Variants in PIK3C2A observed in about 807,000 individuals in gnomAD.
The protein encoded by PIK3C2A is phosphatidylinositol 4-phosphate 3-kinase C2 domain-containing subunit alpha.
PIK3C2A carries 97 observed loss-of-function variants against 204.5 expected under a neutral mutation model. The observed-to-expected ratio is 0.47, with a 90% confidence interval of 0.40 to 0.56. PIK3C2A has a LOEUF of 0.56. Ranked by LOEUF, PIK3C2A falls within the 20% of genes least tolerant of loss-of-function variation. PIK3C2A has a pLI of 0.00. For synonymous variants in PIK3C2A, 653 were observed against 664.4 expected (o/e 0.98, Z 0.26); for missense variants, 1,735 against 1,969.2 (o/e 0.88, Z 2.25).
At chr11:17,199,562 C>T (rs760108692) in intron 1 of PIK3C2A, among the ~76,000 whole-genome samples, 1 of 152,184 alleles carries the variant, frequency 6.6e-6, no homozygotes, top group Non-Finnish European at 1.5e-5. Flanking sequence ...GAAAACATTA[C>T]GCTAAGTGAC....
chr11:17,121,165 T>G (rs1849355573), intron 15 of PIK3C2A, among the ~76,000 whole-genome samples: 1 of 152,298 alleles, frequency 6.6e-6, no homozygotes, highest in Non-Finnish European at 1.5e-5. Context: ...TTGCCCAGGC[T>G]GCAGTGCAGT....
At position 17,148,207 on chromosome 11, in the gene PIK3C2A, C is replaced by CA. The variant is rs5789974; in HGVS notation, c.1448+459dup. The CA allele has an allele frequency of 4.4e-3, 439 of 99,718 alleles. 3 individuals are homozygous for CA. Among genetic ancestry groups the CA allele is most frequent in the East Asian group, 0.016 (55 of 3,482 alleles). 6.2% of individuals were successfully genotyped at this position (99,718 alleles called of 1,614,324 possible). On this transcript the variant is annotated intron_variant, in intron 5 of 32. Transcript: ENST00000691414. ...CTGGGTAACGAGTGAAACTCCGTCT[C>CA]AAAAAAAAAAAAAAAAAGATATAAT...
Position 17,169,364 on chromosome 11 carries a change from G to C in PIK3C2A, c.378C>G (p.Ser126=). Residue 126 remains serine, a synonymous_variant, in exon 2 of 33, where the codon TCC becomes TCG. Transcript: ENST00000691414. Reference sequence around the variant, plus strand: ...GTCTAAAATAGAGCTGTGCTGAAAAGGAAGGGCTCAGAATAGGAGTAACTG... The same window carrying C: ...GTCTAAAATAGAGCTGTGCTGAAAACGAAGGGCTCAGAATAGGAGTAACTG... The part of the protein sequence containing the change: ...VLPVTPILSP[S]FSAQLYFRPT... 1 of 1,613,970 alleles carries C rather than the reference G, an allele frequency of 6.2e-7. No homozygotes were observed. Among genetic ancestry groups the C allele is most frequent in the Non-Finnish European group, 8.5e-7 (1 of 1,179,958 alleles).
chr11:17,139,404 T>TTAC (rs1366278925), intron 8 of PIK3C2A, among the ~76,000 whole-genome samples: 1 of 151,594 alleles, frequency 6.6e-6, no homozygotes, highest in East Asian at 1.9e-4. Flanking sequence ...ATTTTTGTAA[T>TTAC]TTTAGTAGAG....
In PIK3C2A at chr11:17,103,120, G is replaced by A. The variant is rs958206918; in HGVS notation, c.3682-289C>T. 3.3e-5 allele frequency among the ~76,000 whole-genome samples: 5 copies of A among 151,610 alleles called. No individual in the cohort carries two copies. In the East Asian group the frequency reaches 8.1e-4, roughly 25 times the overall value. On this transcript the variant is annotated intron_variant, in intron 23 of 32. Coordinates refer to ENST00000691414, the MANE Select transcript of PIK3C2A (RefSeq NM_002645.4). ...TGCTGCCTTCAAACATCTTTTAAGC[G>A]TCATGTTTGTGGAATCCTGCACCTC...
At chr11:17,179,389 TG>T (rs1401674132) in intron 1 of PIK3C2A, among the ~76,000 whole-genome samples, 1 of 152,118 alleles carries the variant, frequency 6.6e-6, no homozygotes, top group Non-Finnish European at 1.5e-5. Context: ...CTCAAACTCC[TG>T]GCTCAAAGCA....
chr11:17,130,064 A>T (rs1163529369), intron 12 of PIK3C2A, among the ~76,000 whole-genome samples: 1 of 152,210 alleles, frequency 6.6e-6, no homozygotes, highest in African/African-American at 2.4e-5. Context: ...GCAAAATAAT[A>T]TTAGTCATTT....
At chr11:17,177,470 T>C (rs1024102319) in intron 1 of PIK3C2A, among the ~76,000 whole-genome samples, 4 of 152,150 alleles carry the variant, frequency 2.6e-5, no homozygotes, top group African/African-American at 9.7e-5. Flanking sequence ...AAATGACTCA[T>C]TAATAATTCA....
intron 28 of PIK3C2A, among the ~76,000 whole-genome samples, chr11:17,093,597 T>C (rs1447486264): frequency 6.7e-6 from 1 of 149,428 alleles, no homozygotes; most frequent in East Asian, 2.0e-4. Flanking sequence ...GAGCTCAGTA[T>C]GGCCCATGAT....
chr11:17,181,653 T>TACACAC (rs1851567201), intron 1 of PIK3C2A, among the ~76,000 whole-genome samples: 1 of 103,106 alleles, frequency 9.7e-6, no homozygotes, highest in African/African-American at 5.2e-5. Context: ...TATATATATA[T>TACACAC]ATATATACAC....
rs1848209799 is a variant in PIK3C2A at position 17,088,486 on chromosome 11, C to T, written c.*1252G>A. Reference sequence around the variant, plus strand: ...CAAACTCCTGACCTCAGGTGATCCGCCCACCTTGGCCTCCCAAAGTGTTGG... The same window carrying T: ...CAAACTCCTGACCTCAGGTGATCCGTCCACCTTGGCCTCCCAAAGTGTTGG... On this transcript the variant is annotated 3_prime_UTR_variant, in exon 33 of 33. Coordinates refer to ENST00000691414, the MANE Select transcript of PIK3C2A (RefSeq NM_002645.4). 6.6e-6 allele frequency: 1 copy of T among 152,248 alleles called. No individual in the cohort carries two copies. The highest frequency in any genetic ancestry group is 1.5e-5 in the Non-Finnish European group (1 of 68,078). The allele number at this position is 152,248 out of a possible 1,614,324, so 9.4% of individuals were successfully genotyped here. A position where few individuals can be genotyped will look rare whatever the true frequency, so the allele number is the denominator to read the frequency against.
At position 17,122,226 on chromosome 11, in the gene PIK3C2A, C is replaced by A. The variant is rs1424971526; in HGVS notation, c.2619G>T (p.Gly873=). The A allele has an allele frequency of 6.4e-7, 1 of 1,572,038 alleles. No homozygotes were observed. The highest frequency in any genetic ancestry group is 8.7e-7 in the Non-Finnish European group (1 of 1,144,270). ...CTTTATGAAGAATATCAAGAAGTTTCCCTTTTATATCATTCTCTAGTGTTT... is the reference window on the plus strand; with the variant it reads ...CTTTATGAAGAATATCAAGAAGTTTACCTTTTATATCATTCTCTAGTGTTT... The part of the protein sequence containing the change: ...NLETLENDIK[G]KLLDILHKDS... The change falls in exon 15 of 33, where the codon GGG becomes GGT. Residue 873 remains glycine, a synonymous_variant. Coordinates refer to ENST00000691414, the MANE Select transcript of PIK3C2A (RefSeq NM_002645.4).
Position 17,183,238 on chromosome 11 carries a change from C to T in PIK3C2A, c.-65-13432G>A, listed in dbSNP as rs534027573. Among the ~76,000 whole-genome samples, 5 of 152,294 alleles carry T rather than the reference C, an allele frequency of 3.3e-5. No homozygotes were observed. The South Asian group carries it at 8.3e-4, about 25-fold the overall frequency. ...CTCTTTCCAAGGTTTCAGTCACCCA[C>T]AGTCAAAGGTGGTCCAAAAATATTA... is the stretch of plus-strand genomic sequence containing the variant. On this transcript the variant is annotated intron_variant, in intron 1 of 32. Transcript: ENST00000691414.
chr11:17,123,728 C>A (rs1305997554), intron 13 of PIK3C2A, among the ~76,000 whole-genome samples: 6 of 151,794 alleles, frequency 4.0e-5, no homozygotes, highest in African/African-American at 1.5e-4. Flanking sequence ...AATGTATATG[C>A]ATGCTATGCT....
intron 13 of PIK3C2A, among the ~76,000 whole-genome samples, chr11:17,124,270 TAA>T (rs978162452): frequency 1.3e-5 from 2 of 152,156 alleles, no homozygotes; most frequent in African/African-American, 4.8e-5. Flanking sequence ...CTCTAAAAAA[TAA>T]AGTTTCCTGT....
intron 1 of PIK3C2A, among the ~76,000 whole-genome samples, chr11:17,176,939 G>C (rs905314155): frequency 6.6e-6 from 1 of 152,158 alleles, no homozygotes; most frequent in Non-Finnish European, 1.5e-5. Flanking sequence ...TTTAAGCAAT[G>C]TATTAACTAA....
chr11:17,182,369 C>A (rs1377235994), intron 1 of PIK3C2A, among the ~76,000 whole-genome samples: 2 of 151,940 alleles, frequency 1.3e-5, no homozygotes, highest in South Asian at 4.1e-4. Flanking sequence ...GAGTTTGAGA[C>A]CAGCCTAAGC....
At chr11:17,152,770 CTCAA>C (rs1298862442) in intron 3 of PIK3C2A, among the ~76,000 whole-genome samples, 6 of 151,874 alleles carry the variant, frequency 4.0e-5, no homozygotes, top group African/African-American at 9.7e-5. Context: ...CTTTTGTGTG[CTCAA>C]TCAGACTAAA....
Position 17,122,199 on chromosome 11 carries a change from G to C in PIK3C2A, c.2646C>G (p.Asp882Glu). Residue 882 changes from aspartate (D) to glutamate (E), a missense_variant, in exon 15 of 33, where the codon GAC becomes GAG. Asp to Glu is a conservative substitution (Grantham distance 45). Transcript: ENST00000691414. ...TAAACAGAACATACCCAAGTGATGA[G>C]TCTTTATGAAGAATATCAAGAAGTT... ...KGKLLDILHK[D>E]SSLGLSKEDK... is the part of the protein sequence containing the mutation. 1 of 1,584,002 alleles carries C rather than the reference G, an allele frequency of 6.3e-7. No individual in the cohort carries two copies. Among genetic ancestry groups the C allele is most frequent in the East Asian group, 2.2e-5 (1 of 44,530 alleles).
Sources: allele counts gnomAD v4.1 joint callset (sites outside exome capture counted in the v4.1 genomes callset), GRCh38; gene constraint gnomAD v4.1.1; transcripts MANE v1.5; gene names NCBI Gene and HGNC (gene_info 2026-07-23, HGNC 2026-07-21).